The following RECK variants were observed in gnomAD, a reference collection of about 807,000 sequenced individuals.
The protein encoded by RECK is reversion inducing cysteine rich protein with kazal motifs, also known as reversion-inducing cysteine-rich protein with Kazal motifs.
A neutral mutation model predicts 115.1 loss-of-function variants in RECK; 69 were observed. The observed-to-expected ratio is 0.60, with a 90% CI of 0.49 to 0.73. The LOEUF (loss-of-function observed/expected upper bound fraction) is 0.73, where lower values mean the gene tolerates loss of function less well. RECK is among the 30% of genes least tolerant of loss of function. The probability of loss-of-function intolerance (pLI) is 0.00; values close to 1 mark genes in which losing one functional copy is unlikely to be tolerated. For missense variants in RECK, 1,047 were observed against 1,203.7 expected (o/e 0.87, Z 1.93); for synonymous variants, 414 against 419.7 (o/e 0.99, Z 0.17).
In RECK at chr9:36,121,665, G is replaced by A. The variant is rs749787515; in HGVS notation, c.2671G>A (p.Asp891Asn). Reference protein sequence around the residue: ...SEIVILIIPVDHYPKALQIEA... With the variant: ...SEIVILIIPVNHYPKALQIEA... ...AATTGTGATCCTGATCATTCCCGTC[G>A]ATCACTATCCAAAAGCTCTGCAGGT... Residue 891 changes from aspartate to asparagine, a missense_variant, in exon 20 of 21, where the codon GAT becomes AAT. Transcript: ENST00000377966. 3.1e-6 allele frequency: 5 copies of A among 1,613,914 alleles called. No homozygotes were observed. Among genetic ancestry groups the A allele is most frequent in the Non-Finnish European group, 3.4e-6 (4 of 1,179,988 alleles).
chr9:36,121,508 G>A (rs1364423094), intron 19 of RECK, 25 bp from the exon 20 acceptor site: 3 of 1,603,702 alleles, frequency 1.9e-6, no homozygotes, highest in African/African-American at 1.3e-5. Flanking sequence ...CTTTTTTTCA[G>A]GTAATACATG....
chr9:36,041,591 C>G (rs980029984), intron 1 of RECK, among the ~76,000 whole-genome samples: 3 of 152,094 alleles, frequency 2.0e-5, no homozygotes, highest in Admixed American at 2.0e-4. Context: ...CATGGAAAGC[C>G]AAGGGTAGGA....
Position 36,123,876 on chromosome 9 carries a change from C to T in RECK, c.*831C>T, listed in dbSNP as rs1236761708. 1.3e-5 allele frequency: 2 copies of T among 152,510 alleles called. No individual in the cohort carries two copies. Among genetic ancestry groups the T allele is most frequent in the Non-Finnish European group, 2.9e-5 (2 of 68,024 alleles). 9.4% of individuals were successfully genotyped at this position (152,510 alleles called of 1,614,324 possible). A position where few individuals can be genotyped will look rare whatever the true frequency, so the allele number is the denominator to read the frequency against. On this transcript the variant is annotated 3_prime_UTR_variant, in exon 21 of 21. Transcript: ENST00000377966. ...CCAATTGCTGCTACTTATATAATTG[C>T]CAAAAAGTGAAATAATGTGTAGTTC...
intron 9 of RECK, among the ~76,000 whole-genome samples, chr9:36,090,612 A>T (rs1823121993): frequency 6.6e-6 from 1 of 152,224 alleles, no homozygotes; most frequent in African/African-American, 2.4e-5. Flanking sequence ...AGTACTAAAA[A>T]TAAGAAGATT....
intron 13 of RECK, among the ~76,000 whole-genome samples, chr9:36,106,102 C>T (rs1448136294): frequency 3.4e-5 from 5 of 146,100 alleles, no homozygotes; most frequent in South Asian, 2.2e-4. Context: ...CCCAGCTACT[C>T]GGGAGGCTGA....
intron 3 of RECK, 103 bp from the exon 4 acceptor site, chr9:36,060,016 A>G (rs1821693072): frequency 5.9e-6 from 6 of 1,025,232 alleles, no homozygotes; most frequent in Non-Finnish European, 9.2e-6. Flanking sequence ...CTGTGTAGAC[A>G]TAGCCATAAT....
chr9:36,095,735 G>A (rs1246868946), intron 10 of RECK, among the ~76,000 whole-genome samples: 1 of 151,850 alleles, frequency 6.6e-6, no homozygotes, highest in African/African-American at 2.4e-5. Context: ...TCAGGAGTTT[G>A]AGACCAGCCT....
In RECK at chr9:36,068,719, C is replaced by G. The variant is rs115176292; in HGVS notation, c.405+3095C>G. On this transcript the variant is annotated intron_variant, in intron 6 of 20. Coordinates refer to ENST00000377966, the MANE Select transcript of RECK (RefSeq NM_021111.3). ...ATCTAAGTGAAATCCCCTTCCCTTC[C>G]CACCAATAAATTTGGGATTCCAAAG... Among the ~76,000 whole-genome samples the G allele has an allele frequency of 2.8e-3, 424 of 152,312 alleles. 3 individuals are homozygous for G. Among genetic ancestry groups the G allele is most frequent in the African/African-American group, 9.4e-3 (391 of 41,568 alleles).
At position 36,083,381 on chromosome 9, in the gene RECK, CA is replaced by C. The variant is rs1228886836; in HGVS notation, c.457del (p.Ser153ValfsTer28). On this transcript the variant is annotated frameshift_variant, in exon 8 of 21. Coordinates refer to ENST00000377966, the MANE Select transcript of RECK (RefSeq NM_021111.3). LOFTEE classifies it high-confidence loss of function. ...SRNEMGSVCC[S>X]YAGHHTNCRE... ...TCTCCATAGTGGGCTCGGTTTGTTG[CA>C]GTTATGCAGGTCATCACACAAACTG... The C allele has an allele frequency of 6.2e-7, 1 of 1,613,896 alleles. No individual in the cohort carries two copies. Among genetic ancestry groups the C allele is most frequent in the Admixed American group, 1.7e-5 (1 of 60,000 alleles).
intron 10 of RECK, among the ~76,000 whole-genome samples, chr9:36,097,844 C>T (rs1234685710): frequency 1.3e-5 from 2 of 152,156 alleles, no homozygotes; most frequent in African/African-American, 4.8e-5. Context: ...GAATCCTATT[C>T]AGCCTTTATA....
chr9:36,066,631 A>G (rs547538909), intron 6 of RECK: 5 of 340,800 alleles, frequency 1.5e-5, no homozygotes, highest in Non-Finnish European at 2.5e-5. Flanking sequence ...GCCCTGCTAC[A>G]GAGAAGTAAA....
chr9:36,104,992 A>G, intron 12 of RECK, 151 bp from the exon 13 acceptor site: 1 of 586,482 alleles, frequency 1.7e-6, no homozygotes, highest in Non-Finnish European at 3.0e-6. Context: ...CACAAATGAA[A>G]GAATCTCGGT....
chr9:36,080,611 C>T lies in RECK; in HGVS notation c.412C>T (p.Leu138Phe), dbSNP rs1282242990. 1.2e-6 allele frequency: 2 copies of T among 1,608,388 alleles called. No individual in the cohort carries two copies. Among genetic ancestry groups the T allele is most frequent in the East Asian group, 2.2e-5 (1 of 44,774 alleles). The part of the protein sequence containing the change: ...KVCRKEYENA[L>F]FSCISRNEMG... Reference sequence around the variant, plus strand: ...GTTTTTCTTCAATTTACAGAATGCTCTTTTCAGTTGCATTAGCAGAAATGA... The same window carrying T: ...GTTTTTCTTCAATTTACAGAATGCTTTTTTCAGTTGCATTAGCAGAAATGA... The change falls in exon 7 of 21, where the codon CTT becomes TTT. Residue 138 changes from leucine to phenylalanine, a missense_variant. By Grantham distance (22) the Leu-to-Phe change is conservative (BLOSUM62 0). Coordinates refer to ENST00000377966, the MANE Select transcript of RECK (RefSeq NM_021111.3).
At chr9:36,050,915 T>A (rs903006220) in intron 1 of RECK, among the ~76,000 whole-genome samples, 1 of 152,120 alleles carries the variant, frequency 6.6e-6, no homozygotes. Context: ...CCCACTCACT[T>A]CCACACACAC....
chr9:36,065,543 T>A, intron 5 of RECK, 34 bp from the exon 6 acceptor site: 1 of 1,547,596 alleles, frequency 6.5e-7, no homozygotes, highest in Non-Finnish European at 8.8e-7. Context: ...ATAGCATGTA[T>A]AATAAATTAA....
At chr9:36,049,924 C>T (rs1480323147) in intron 1 of RECK, among the ~76,000 whole-genome samples, 1 of 152,182 alleles carries the variant, frequency 6.6e-6, no homozygotes, top group South Asian at 2.1e-4. Flanking sequence ...ATCCTTATTA[C>T]TTGATAGCAG....
chr9:36,081,582 C>G (rs976006949), intron 7 of RECK, among the ~76,000 whole-genome samples: 10 of 152,152 alleles, frequency 6.6e-5, no homozygotes, highest in Admixed American at 3.3e-4. Flanking sequence ...GCCTGTAACC[C>G]CAGCACTTTG....
chr9:36,120,339 C>T (rs1824414701), intron 18 of RECK, among the ~76,000 whole-genome samples: 1 of 152,154 alleles, frequency 6.6e-6, no homozygotes, highest in Non-Finnish European at 1.5e-5. Context: ...AAGCATTTGC[C>T]CAGAATCACA....
chr9:36,073,639 C>T (rs918653035), intron 6 of RECK, among the ~76,000 whole-genome samples: 9 of 152,202 alleles, frequency 5.9e-5, no homozygotes, highest in Middle Eastern at 3.2e-3. Flanking sequence ...TCACTACCTT[C>T]CTTAAACCCT....
Sources: allele counts gnomAD v4.1 joint callset (sites outside exome capture counted in the v4.1 genomes callset), GRCh38; gene constraint gnomAD v4.1.1; transcripts MANE v1.5; gene names NCBI Gene and HGNC (gene_info 2026-07-23, HGNC 2026-07-21).